MOSMO: variants seen among roughly 807,000 people sequenced by gnomAD.
MOSMO encodes the protein modulator of smoothened protein.
In MOSMO, 5 loss-of-function variants were observed where a neutral mutation model predicts 18.4. The observed-to-expected ratio is 0.27, with a 90% CI of 0.14 to 0.57. The LOEUF (loss-of-function observed/expected upper bound fraction) is 0.57, where lower values mean the gene tolerates loss of function less well. MOSMO is among the 20% of genes least tolerant of loss of function. MOSMO has a pLI of 0.92. For synonymous variants in MOSMO, 82 were observed against 82.3 expected (o/e 1.00, Z 0.02); for missense variants, 138 against 211.8 (o/e 0.65, Z 2.16).
intron 2 of MOSMO, among the ~76,000 whole-genome samples, chr16:22,077,800 C>A (rs1020270043): frequency 6.6e-6 from 1 of 151,770 alleles, no homozygotes; most frequent in African/African-American, 2.4e-5. Flanking sequence ...TGCATGAGGA[C>A]CTTGAGGGTG....
At chr16:22,047,238 ATTTTTT>A (rs770005970) in intron 1 of MOSMO, among the ~76,000 whole-genome samples, 1 of 110,832 alleles carries the variant, frequency 9.0e-6, no homozygotes, top group South Asian at 3.4e-4. Context: ...ATGCACCATA[ATTTTTT>A]TTTTTTTTTT....
At chr16:22,031,854 T>C (rs1174857753) in intron 1 of MOSMO, among the ~76,000 whole-genome samples, 1 of 152,234 alleles carries the variant, frequency 6.6e-6, no homozygotes, top group Non-Finnish European at 1.5e-5. Flanking sequence ...CATTTTCATT[T>C]CCCTTGCATA....
rs1315200512 is a variant in MOSMO at position 22,045,392 on chromosome 16, A to G, written c.107-30095A>G. Reference sequence around the variant, plus strand: ...AAGGCAGCGCTGGGGCTAGAGCACCATAGTCTTTATAAATAAAATGTATTG... The same window carrying G: ...AAGGCAGCGCTGGGGCTAGAGCACCGTAGTCTTTATAAATAAAATGTATTG... On this transcript the variant is annotated intron_variant, in intron 1 of 2. Transcript: ENST00000542527. Among the ~76,000 whole-genome samples the G allele has an allele frequency of 2.0e-5, 3 of 152,336 alleles. No individual in the cohort carries two copies. The East Asian group carries it at 5.8e-4, about 29-fold the overall frequency.
downstream of MOSMO, among the ~76,000 whole-genome samples, chr16:22,091,361 C>T (rs895452158): frequency 1.3e-5 from 2 of 152,088 alleles, no homozygotes; most frequent in African/African-American, 2.4e-5. Context: ...TGTTCCCTAC[C>T]ATATGATGAC....
downstream of MOSMO, among the ~76,000 whole-genome samples, chr16:22,088,389 T>A (rs1304837788): frequency 6.6e-6 from 1 of 152,194 alleles, no homozygotes; most frequent in African/African-American, 2.4e-5. Flanking sequence ...AAATGCATAG[T>A]ATTCCATTTG....
intron 1 of MOSMO, among the ~76,000 whole-genome samples, chr16:22,056,911 A>G (rs912835106): frequency 6.6e-6 from 1 of 152,174 alleles, no homozygotes. Context: ...CAGGATTCAT[A>G]ATTATTATCT....
At chr16:22,019,253 C>G (rs1036440230) in intron 1 of MOSMO, among the ~76,000 whole-genome samples, 19 of 152,140 alleles carry the variant, frequency 1.2e-4, no homozygotes, top group African/African-American at 4.3e-4. Flanking sequence ...CTTTTTTCCC[C>G]GCATGAATGT....
At chr16:22,027,065 A>G (rs1443007811) in intron 1 of MOSMO, among the ~76,000 whole-genome samples, 1 of 152,224 alleles carries the variant, frequency 6.6e-6, no homozygotes. Context: ...AATTCTCAAG[A>G]AAATCTAGGA....
chr16:22,060,804 C>T (rs941891852), intron 1 of MOSMO, among the ~76,000 whole-genome samples: 1 of 151,426 alleles, frequency 6.6e-6, no homozygotes, highest in African/African-American at 2.4e-5. Flanking sequence ...AACCAGCAGG[C>T]GGAGGTTGCA....
intron 1 of MOSMO, among the ~76,000 whole-genome samples, chr16:22,028,244 C>A (rs1316358684): frequency 6.6e-6 from 1 of 151,942 alleles, no homozygotes; most frequent in African/African-American, 2.4e-5. Flanking sequence ...TATAACTTTC[C>A]TTTATTATGA....
At chr16:22,010,444 G>A (rs1000026454) in intron 1 of MOSMO, among the ~76,000 whole-genome samples, 1 of 152,088 alleles carries the variant, frequency 6.6e-6, no homozygotes, top group African/African-American at 2.4e-5. Context: ...CAGGCTTCAC[G>A]TACTTAGGGG....
intron 1 of MOSMO, among the ~76,000 whole-genome samples, chr16:22,019,438 A>AT (rs1460948490): frequency 6.6e-6 from 1 of 152,118 alleles, no homozygotes. Flanking sequence ...ACCTAAAGTG[A>AT]TTTTCCAACC....
chr16:22,043,874 C>T (rs897955011), intron 1 of MOSMO, among the ~76,000 whole-genome samples: 1 of 152,112 alleles, frequency 6.6e-6, no homozygotes, highest in African/African-American at 2.4e-5. Context: ...TAAAGACATA[C>T]CCAAGACTGG....
At chr16:22,029,500 T>C (rs1457579294) in intron 1 of MOSMO, among the ~76,000 whole-genome samples, 3 of 152,236 alleles carry the variant, frequency 2.0e-5, no homozygotes, top group African/African-American at 7.2e-5. Context: ...GTCACCAAAA[T>C]GTGGCTTTGC....
intron 1 of MOSMO, among the ~76,000 whole-genome samples, chr16:22,062,679 A>G (rs1266262289): frequency 6.6e-6 from 1 of 152,128 alleles, no homozygotes; most frequent in Non-Finnish European, 1.5e-5. Flanking sequence ...AATATTTAAC[A>G]TCTATCAAGT....
At chr16:22,087,449 C>G (rs1208040280), downstream of MOSMO, 1 of 152,172 alleles carries the variant, frequency 6.6e-6, no homozygotes, top group East Asian at 1.9e-4. Context: ...GTTCTGACCT[C>G]TGGCACTCTT....
At chr16:22,059,941 C>T (rs1395083611) in intron 1 of MOSMO, among the ~76,000 whole-genome samples, 2 of 152,138 alleles carry the variant, frequency 1.3e-5, no homozygotes, top group Non-Finnish European at 2.9e-5. Flanking sequence ...CTTTGGGAGG[C>T]TGAGGCAGGT....
intron 1 of MOSMO, among the ~76,000 whole-genome samples, chr16:22,008,999 A>G (rs1567496344): frequency 2.0e-5 from 3 of 151,826 alleles, no homozygotes; most frequent in Admixed American, 6.5e-5. Flanking sequence ...GGCAGGGTGA[A>G]TGGTGGGTGC....
Position 22,075,630 on chromosome 16 carries a change from G to A in MOSMO, c.250G>A (p.Gly84Ser), listed in dbSNP as rs1482629576. ...AATCATTTCATTGACTGTCACATGTGGTTTGCTGGTGGCTTCCCACTGGCG... is the reference window on the plus strand; with the variant it reads ...AATCATTTCATTGACTGTCACATGTAGTTTGCTGGTGGCTTCCCACTGGCG... ...MGIISLTVTC[G>S]LLVASHWRRE... The change falls in exon 2 of 3, where the codon GGT (glycine) becomes AGT (serine). Residue 84 changes from glycine (G) to serine (S), a missense_variant. By Grantham distance (56) the Gly-to-Ser change is moderately conservative (BLOSUM62 0). Coordinates refer to ENST00000542527, the MANE Select transcript of MOSMO (RefSeq NM_001164579.2). 6.5e-7 allele frequency: 1 copy of A among 1,537,410 alleles called. No individual in the cohort carries two copies. The highest frequency in any genetic ancestry group is 2.0e-5 in the Admixed American group (1 of 51,000).
Sources: allele counts gnomAD v4.1 joint callset (sites outside exome capture counted in the v4.1 genomes callset), GRCh38; gene constraint gnomAD v4.1.1; transcripts MANE v1.5; gene names NCBI Gene and HGNC (gene_info 2026-07-23, HGNC 2026-07-21).